Variants in C12orf56 observed in about 807,000 individuals in gnomAD.
C12orf56 encodes chromosome 12 open reading frame 56.
Under a neutral mutation model 69.9 loss-of-function variants are expected in C12orf56, and 71 were observed. The observed-to-expected ratio is 1.02, with a 90% CI of 0.84 to 1.24. The LOEUF (loss-of-function observed/expected upper bound fraction) is 1.24. Among genes scored for constraint, C12orf56 ranks in the 50% most tolerant of loss-of-function variants. The probability of loss-of-function intolerance (pLI) is 0.00; values close to 1 mark genes in which losing one functional copy is unlikely to be tolerated. For missense variants in C12orf56, 732 were observed against 738.5 expected (o/e 0.99, Z 0.10); for synonymous variants, 276 against 274.1 (o/e 1.01, Z -0.07).
At chr12:64,367,349 T>TTTA (rs1448749364) in intron 1 of C12orf56, among the ~76,000 whole-genome samples, 2 of 143,226 alleles carry the variant, frequency 1.4e-5, no homozygotes, top group African/African-American at 2.5e-5. Flanking sequence ...ATATATTATA[T>TTTA]TATATTATAT....
At chr12:64,320,715 A>C (rs2038760798) in intron 3 of C12orf56, among the ~76,000 whole-genome samples, 1 of 152,118 alleles carries the variant, frequency 6.6e-6, no homozygotes, top group South Asian at 2.1e-4. Flanking sequence ...ACCTTTGTTA[A>C]ACAAAGTTGA....
At chr12:64,384,237 A>C (rs2039758601) in intron 1 of C12orf56, among the ~76,000 whole-genome samples, 1 of 152,112 alleles carries the variant, frequency 6.6e-6, no homozygotes. Context: ...TTAGGTACTT[A>C]CGCTATTCCA....
At chr12:64,358,482 A>AATAATCATCATCATCATCATCATCATC (rs11275269) in intron 1 of C12orf56, among the ~76,000 whole-genome samples, 28 of 125,944 alleles carry the variant, frequency 2.2e-4, no homozygotes, top group African/African-American at 3.3e-4. Flanking sequence ...TAATAATAAT[A>AATAATCATCATCATCATCATCATCATC]ATCATCATCA....
At chr12:64,366,299 AT>A in intron 1 of C12orf56, among the ~76,000 whole-genome samples, 1 of 105,346 alleles carries the variant, frequency 9.5e-6, no homozygotes, top group African/African-American at 4.2e-5. Context: ...CAGTTTATAT[AT>A]TATATATTAT....
At chr12:64,301,225 G>A (rs1592432944) in intron 6 of C12orf56, among the ~76,000 whole-genome samples, 1 of 152,142 alleles carries the variant, frequency 6.6e-6, no homozygotes, top group African/African-American at 2.4e-5. Context: ...AATATTAAAA[G>A]CTGATAGAGC....
In C12orf56 at chr12:64,374,463, A is replaced by G. The variant is rs563355737; in HGVS notation, c.252+15851T>C. On this transcript the variant is annotated intron_variant, in intron 1 of 12. Coordinates refer to ENST00000543942, the MANE Select transcript of C12orf56 (RefSeq NM_001170633.2). ...ATATATCACTCACAAATGTATCTAC[A>G]TCATTTTTCACCATATTTATATTTG... 6.4e-4 allele frequency among the ~76,000 whole-genome samples: 98 copies of G among 152,290 alleles called. 1 individual carries two copies. In the South Asian group the frequency reaches 0.02, roughly 31 times the overall value.
At chr12:64,282,035 G>GGAAA (rs1265652462) in intron 8 of C12orf56, among the ~76,000 whole-genome samples, 1 of 152,124 alleles carries the variant, frequency 6.6e-6, no homozygotes, top group Non-Finnish European at 1.5e-5. Context: ...TGGAGATTAG[G>GGAAA]GAAACGGCAG....
In C12orf56 at chr12:64,275,418, G is replaced by C. The variant is rs181447618; in HGVS notation, c.1435-46C>G. On this transcript the variant is annotated intron_variant, in intron 9 of 12. Transcript: ENST00000543942. ...CAATGCAATGTCATAAGCCAAGTCA[G>C]AAAACGATAATTTCCCATGGTTCCC... is the stretch of plus-strand genomic sequence containing the variant. The C allele has an allele frequency of 2.1e-4, 189 of 891,850 alleles. 1 individual carries two copies. Among genetic ancestry groups the C allele is most frequent in the Non-Finnish European group, 2.9e-5 (18 of 610,590 alleles). 55.2% of individuals were successfully genotyped at this position (891,850 alleles called of 1,614,324 possible).
chr12:64,297,885 C>T (rs979528661), intron 6 of C12orf56, among the ~76,000 whole-genome samples: 63 of 152,258 alleles, frequency 4.1e-4, no homozygotes, highest in African/African-American at 1.5e-3. Context: ...ATTTATAATC[C>T]TTTGGGTATA....
In C12orf56 at chr12:64,277,740, A is replaced by C; in HGVS notation, c.1374T>G (p.Pro458=). 3 of 1,602,738 alleles carry C rather than the reference A, an allele frequency of 1.9e-6. No individual in the cohort carries two copies. The highest frequency in any genetic ancestry group is 8.5e-7 in the Non-Finnish European group (1 of 1,173,364). ...CAGCCACCAACTGGATATCAAACAC[A>C]GGACAAGATTTTGGAATCTGAGGCT... ...ISEPQIPKSC[P]VFDIQLVADS... Residue 458 remains proline, a synonymous_variant, in exon 9 of 13, where the codon CCT becomes CCG. Coordinates refer to ENST00000543942, the MANE Select transcript of C12orf56 (RefSeq NM_001170633.2).
chr12:64,387,658 G>A (rs1412239755), intron 1 of C12orf56, among the ~76,000 whole-genome samples: 5 of 151,540 alleles, frequency 3.3e-5, no homozygotes, highest in South Asian at 2.1e-4. Context: ...CAAAAAATAC[G>A]AAAACTAGCC....
At chr12:64,319,822 C>T (rs937905523) in intron 3 of C12orf56, among the ~76,000 whole-genome samples, 3 of 152,206 alleles carry the variant, frequency 2.0e-5, no homozygotes, top group African/African-American at 7.2e-5. Context: ...GATATAAACC[C>T]AGGCATTTGA....
In C12orf56 at chr12:64,380,131, AAAACAAAAC is replaced by A. The variant is rs1565783138; in HGVS notation, c.252+10174_252+10182del. Reference sequence around the variant, plus strand: ...AAAAAAAAAAAAAAAAAAAAAAAAAAAAACAAAACAAACAAAAAAAAACGCACAATGCAG... The same window carrying A: ...AAAAAAAAAAAAAAAAAAAAAAAAAAAAACAAAAAAAAACGCACAATGCAG... On this transcript the variant is annotated intron_variant, in intron 1 of 12. Coordinates refer to ENST00000543942, the MANE Select transcript of C12orf56 (RefSeq NM_001170633.2). 6.6e-3 allele frequency among the ~76,000 whole-genome samples: 303 copies of A among 46,252 alleles called. 13 individuals carry two copies. The highest frequency in any genetic ancestry group is 9.4e-3 in the Non-Finnish European group (144 of 15,356). 30.3% of individuals were successfully genotyped at this position (46,252 alleles called of 152,430 possible). A position where few individuals can be genotyped will look rare whatever the true frequency, so the allele number is the denominator to read the frequency against.
chr12:64,337,810 T>G (rs2039015544), intron 2 of C12orf56, among the ~76,000 whole-genome samples: 1 of 135,830 alleles, frequency 7.4e-6, no homozygotes, highest in South Asian at 2.3e-4. Flanking sequence ...TGAGCTGAGA[T>G]CACACCACTG....
intron 5 of C12orf56, among the ~76,000 whole-genome samples, chr12:64,306,374 A>G (rs7135135): frequency 0.41 from 62,605 of 151,648 alleles, 12,994 homozygotes; most frequent in African/African-American, 0.43. Flanking sequence ...ATTTTCATCA[A>G]GTAGAAAACA....
At chr12:64,272,120 G>A (rs2037997397) in intron 11 of C12orf56, among the ~76,000 whole-genome samples, 1 of 152,130 alleles carries the variant, frequency 6.6e-6, no homozygotes, top group Admixed American at 6.5e-5. Context: ...TACTTAGGAG[G>A]CTGAGGCAGG....
chr12:64,307,942 G>A (rs1258998137), intron 5 of C12orf56, among the ~76,000 whole-genome samples: 1 of 152,094 alleles, frequency 6.6e-6, no homozygotes, highest in African/African-American at 2.4e-5. Context: ...CTTGAGCCCA[G>A]GAGGTCGAGG....
intron 3 of C12orf56, among the ~76,000 whole-genome samples, chr12:64,321,795 T>C (rs2038777196): frequency 1.3e-5 from 2 of 152,138 alleles, no homozygotes; most frequent in Admixed American, 1.3e-4. Flanking sequence ...TGGCATTAAG[T>C]TCTAAGTATC....
chr12:64,330,747 G>A (rs2038919238), intron 3 of C12orf56, among the ~76,000 whole-genome samples: 1 of 151,958 alleles, frequency 6.6e-6, no homozygotes, highest in Non-Finnish European at 1.5e-5. Context: ...TATATGTTCA[G>A]TAATATATAG....
Sources: gnomAD v4.1 joint callset for allele counts (sites outside exome capture counted in the v4.1 genomes callset) on GRCh38, gnomAD v4.1.1 for gene constraint, MANE v1.5 for transcripts, NCBI Gene and HGNC (gene_info 2026-07-23, HGNC 2026-07-21) for gene names.